The following XXYLT1 variants were observed in gnomAD, a reference collection of about 807,000 sequenced individuals.
XXYLT1 encodes the protein UDP-xylose:alpha-xyloside alpha-1,3-xylosyltransferase.
In XXYLT1, 20 loss-of-function variants were observed where a neutral mutation model predicts 28.9. The ratio of observed to expected loss-of-function variants is 0.69; its 90% confidence interval spans 0.49 to 1.00. XXYLT1 has a LOEUF of 1.00. Ranked by LOEUF, XXYLT1 falls within the 50% of genes least tolerant of loss-of-function variation. The probability of loss-of-function intolerance (pLI) is 0.00; values close to 1 mark genes in which losing one functional copy is unlikely to be tolerated. For synonymous variants in XXYLT1, 257 were observed against 253.8 expected (o/e 1.01, Z -0.12); for missense variants, 542 against 560.1 (o/e 0.97, Z 0.33).
At chr3:195,237,765 T>C (rs891163144) in intron 1 of XXYLT1, among the ~76,000 whole-genome samples, 2 of 152,220 alleles carry the variant, frequency 1.3e-5, no homozygotes, top group African/African-American at 4.8e-5. Context: ...CATGCTTCTC[T>C]TCTAAGGTAC....
intron 3 of XXYLT1, among the ~76,000 whole-genome samples, chr3:195,143,821 GATATAT>G (rs1302720489): frequency 0.013 from 991 of 74,098 alleles, 53 homozygotes; most frequent in African/African-American, 0.045. Context: ...TATAGATATA[GATATAT>G]ATAGATATAG....
chr3:195,199,291 T>C (rs1722752669), intron 2 of XXYLT1, among the ~76,000 whole-genome samples: 1 of 152,178 alleles, frequency 6.6e-6, no homozygotes, highest in Non-Finnish European at 1.5e-5. Flanking sequence ...AAATCTCCTT[T>C]GCGGTTGCGT....
chr3:195,105,050 C>A (rs986706611), intron 3 of XXYLT1, among the ~76,000 whole-genome samples: 1 of 152,194 alleles, frequency 6.6e-6, no homozygotes, highest in African/African-American at 2.4e-5. Flanking sequence ...GTGGCTGCGC[C>A]GCATTTGGAA....
chr3:195,088,894 G>A (rs1046180807), intron 3 of XXYLT1, among the ~76,000 whole-genome samples: 10 of 150,418 alleles, frequency 6.6e-5, no homozygotes, highest in Non-Finnish European at 1.5e-4. Context: ...AGCCTCAGGA[G>A]CCGATGCAAT....
At chr3:195,088,052 T>G (rs1261653289) in intron 3 of XXYLT1, among the ~76,000 whole-genome samples, 106 of 151,968 alleles carry the variant, frequency 7.0e-4, no homozygotes, top group Admixed American at 6.6e-3. Context: ...GGAGTCTCGC[T>G]GATTGCCAGC....
chr3:195,198,375 C>A (rs1722714769), intron 2 of XXYLT1, among the ~76,000 whole-genome samples: 1 of 152,166 alleles, frequency 6.6e-6, no homozygotes, highest in South Asian at 2.1e-4. Flanking sequence ...CAGTCAGGAA[C>A]AAGTTGTCCG....
rs1238088896 is a variant in XXYLT1 at position 195,109,950 on chromosome 3, G to A, written c.786-39839C>T. On this transcript the variant is annotated intron_variant, in intron 3 of 3. Coordinates refer to ENST00000310380, the MANE Select transcript of XXYLT1 (RefSeq NM_152531.5). ...ATGTGTGTGTGGTATATGAGTGTGC[G>A]TGCATGTGTGTGTGTTGTGTGTATG... Among the ~76,000 whole-genome samples, 14 of 65,260 alleles carry A rather than the reference G, an allele frequency of 2.1e-4. 3 individuals carry two copies. Among genetic ancestry groups the A allele is most frequent in the African/African-American group, 5.0e-4 (11 of 21,820 alleles). The allele number at this position is 65,260 out of a possible 152,430, so 42.8% of individuals were successfully genotyped here.
intron 2 of XXYLT1, among the ~76,000 whole-genome samples, chr3:195,163,664 A>G (rs1179001856): frequency 2.0e-5 from 3 of 152,274 alleles, no homozygotes; most frequent in South Asian, 2.1e-4. Context: ...GTTTAACTGC[A>G]TATCACAGAA....
intron 3 of XXYLT1, among the ~76,000 whole-genome samples, chr3:195,134,282 T>C (rs557612723): frequency 5.2e-4 from 79 of 152,312 alleles, no homozygotes; most frequent in African/African-American, 1.9e-3. Context: ...CTTACAGCAG[T>C]GCAAAGTAAC....
intron 3 of XXYLT1, among the ~76,000 whole-genome samples, chr3:195,120,285 C>CCCG (rs1553805988): frequency 3.4e-5 from 1 of 29,666 alleles, no homozygotes; most frequent in Non-Finnish European, 8.7e-5. Context: ...TGCTCAGATG[C>CCCG]CCCCCCCGCC....
At chr3:195,227,924 C>A (rs540625001) in intron 1 of XXYLT1, among the ~76,000 whole-genome samples, 1 of 152,350 alleles carries the variant, frequency 6.6e-6, no homozygotes, top group East Asian at 1.9e-4. Context: ...TGCGCAGCCC[C>A]AGCTTCACAT....
At chr3:195,190,331 C>T (rs933001108) in intron 2 of XXYLT1, among the ~76,000 whole-genome samples, 4 of 151,684 alleles carry the variant, frequency 2.6e-5, no homozygotes, top group Non-Finnish European at 5.9e-5. Context: ...CCCACCTCTA[C>T]CAAAAATACA....
intron 3 of XXYLT1, among the ~76,000 whole-genome samples, chr3:195,142,709 G>A (rs1235688839): frequency 1.3e-5 from 2 of 152,276 alleles, no homozygotes; most frequent in African/African-American, 4.8e-5. Flanking sequence ...GGCAGCCGGG[G>A]CTGGGGCTGG....
intron 3 of XXYLT1, among the ~76,000 whole-genome samples, chr3:195,110,307 TGTGTGTGTGGGTGAGGGTG>T (rs1717514761): frequency 5.4e-4 from 2 of 3,722 alleles, no homozygotes; most frequent in African/African-American, 9.5e-4. Flanking sequence ...GTGTGGTATA[TGTGTGTGTGGGTGAGGGTG>T]AGGTGTGTGT....
At chr3:195,144,896 G>A (rs931416058) in intron 3 of XXYLT1, among the ~76,000 whole-genome samples, 1 of 152,204 alleles carries the variant, frequency 6.6e-6, no homozygotes, top group African/African-American at 2.4e-5. Flanking sequence ...TTGGCAGGAA[G>A]GTACCGGCAG....
chr3:195,238,800 C>A (rs1724660071), intron 1 of XXYLT1, among the ~76,000 whole-genome samples: 1 of 152,196 alleles, frequency 6.6e-6, no homozygotes, highest in Non-Finnish European at 1.5e-5. Flanking sequence ...TCCAAATCAT[C>A]CCTATCCGTT....
At chr3:195,123,002 T>C (rs1359068718) in intron 3 of XXYLT1, among the ~76,000 whole-genome samples, 1 of 152,218 alleles carries the variant, frequency 6.6e-6, no homozygotes, top group African/African-American at 2.4e-5. Flanking sequence ...GTCACTGTTC[T>C]CTGATCTCAC....
chr3:195,189,913 A>G (rs966900696), intron 2 of XXYLT1, among the ~76,000 whole-genome samples: 2 of 152,232 alleles, frequency 1.3e-5, no homozygotes, highest in Non-Finnish European at 2.9e-5. Flanking sequence ...GTATAATCAA[A>G]CCTGTGAAAG....
At chr3:195,245,256 G>T in intron 1 of XXYLT1, among the ~76,000 whole-genome samples, 1 of 149,212 alleles carries the variant, frequency 6.7e-6, no homozygotes, top group Non-Finnish European at 1.5e-5. Flanking sequence ...TGCCTCCCGG[G>T]TTCAAGCGAT....
Sources: allele counts gnomAD v4.1 joint callset (sites outside exome capture counted in the v4.1 genomes callset), GRCh38; gene constraint gnomAD v4.1.1; transcripts MANE v1.5; gene names NCBI Gene and HGNC (gene_info 2026-07-23, HGNC 2026-07-21).